The following PLCH1 variants were observed in gnomAD, a reference collection of about 807,000 sequenced individuals.
PLCH1 encodes phospholipase C eta 1.
In PLCH1, 60 loss-of-function variants were observed where a neutral mutation model predicts 126.7. The observed-to-expected ratio is 0.47, with a 90% CI of 0.38 to 0.59. The LOEUF is 0.59. Among genes scored for constraint, PLCH1 ranks in the 20% least tolerant of loss-of-function variants. The probability of loss-of-function intolerance (pLI) is 0.00; values close to 1 mark genes in which losing one functional copy is unlikely to be tolerated. For synonymous variants in PLCH1, 719 were observed against 734.9 expected, an observed-to-expected ratio of 0.98 and a Z score of 0.35; for missense variants, 1,723 against 2,040.0, an observed-to-expected ratio of 0.84 and a Z score of 2.99.
intron 2 of PLCH1, among the ~76,000 whole-genome samples, chr3:155,693,994 AT>A (rs1208903291): frequency 6.6e-6 from 1 of 152,164 alleles, no homozygotes; most frequent in East Asian, 1.9e-4. Flanking sequence ...AGCATAGATG[AT>A]TCTTCTATAT....
intron 12 of PLCH1, among the ~76,000 whole-genome samples, chr3:155,513,230 C>T (rs761558753): frequency 6.6e-6 from 1 of 152,092 alleles, no homozygotes; most frequent in Non-Finnish European, 1.5e-5. Context: ...GCCCAGTGAA[C>T]CAAAACCATA....
Position 155,485,568 on chromosome 3 carries a change from C to G in PLCH1, c.2762G>C (p.Arg921Thr), listed in dbSNP as rs752695431. The change falls in exon 22 of 23, where the codon AGG becomes ACG. Residue 921 changes from arginine to threonine, a missense_variant. This residue lies in a region of PLCH1 where 947 missense variants were observed against 977.1 expected (regional missense o/e 0.97). Coordinates refer to ENST00000460012, the MANE Select transcript of PLCH1 (RefSeq NM_014996.4). The part of the protein sequence containing the change: ...RRTASAPAKG[R>T]KKSKMGFQEM... ...TTGGAAGCCCATTTTGCTCTTTTTCCTGCCTTTGGCTGGGGCGCTAGCTGT... is the reference window on the plus strand; with the variant it reads ...TTGGAAGCCCATTTTGCTCTTTTTCGTGCCTTTGGCTGGGGCGCTAGCTGT... The G allele has an allele frequency of 5.0e-6, 8 of 1,614,060 alleles. No individual in the cohort carries two copies. In the African/African-American group the frequency reaches 8.0e-5, roughly 16 times the overall value.
intron 2 of PLCH1, among the ~76,000 whole-genome samples, chr3:155,628,089 CA>C (rs1737565616): frequency 6.6e-6 from 1 of 151,574 alleles, no homozygotes; most frequent in African/African-American, 2.4e-5. Flanking sequence ...TTTATGTGAA[CA>C]AAAAAGTTAC....
At chr3:155,700,741 G>T (rs1405596932) in intron 2 of PLCH1, among the ~76,000 whole-genome samples, 1 of 152,088 alleles carries the variant, frequency 6.6e-6, no homozygotes, top group Non-Finnish European at 1.5e-5. Context: ...TAAGAATCAA[G>T]ACTGCATCCC....
Position 155,676,085 on chromosome 3 carries a change from C to A in PLCH1, c.79+28061G>T, listed in dbSNP as rs1744057796. 3 of 1,471,868 alleles carry A rather than the reference C, an allele frequency of 2.0e-6. No individual in the cohort carries two copies. The South Asian group carries it at 4.3e-5, about 21-fold the overall frequency. 91.2% of individuals were successfully genotyped at this position (1,471,868 alleles called of 1,614,324 possible). On this transcript the variant is annotated intron_variant, in intron 2 of 22. Transcript: ENST00000460012. ...ATTATTGGCAAGAGCAGTACAATTT[C>A]TCTCTAAAGGCAAAGCCTTTTCCTG...
At chr3:155,726,689 T>C (rs553817337) in intron 1 of PLCH1, among the ~76,000 whole-genome samples, 1 of 150,848 alleles carries the variant, frequency 6.6e-6, no homozygotes, top group East Asian at 1.9e-4. Flanking sequence ...TAAAATTTTG[T>C]TCAGATTCTT....
intron 21 of PLCH1, among the ~76,000 whole-genome samples, chr3:155,470,684 G>T (rs904005172): frequency 6.6e-6 from 1 of 151,902 alleles, no homozygotes; most frequent in East Asian, 1.9e-4. Flanking sequence ...GAGAAAGGTC[G>T]GGTTACCCTC....
chr3:155,562,684 C>A (rs140325365), intron 8 of PLCH1, among the ~76,000 whole-genome samples: 1 of 152,184 alleles, frequency 6.6e-6, no homozygotes, highest in Admixed American at 6.5e-5. Context: ...ACTTCTTTAA[C>A]AATTTGCTGA....
At chr3:155,456,058 G>A (rs543016867) in intron 21 of PLCH1, among the ~76,000 whole-genome samples, 1 of 152,318 alleles carries the variant, frequency 6.6e-6, no homozygotes, top group East Asian at 1.9e-4. Flanking sequence ...GATTGTTCAA[G>A]ACAGGCTAAA....
intron 1 of PLCH1, among the ~76,000 whole-genome samples, chr3:155,714,657 G>A (rs1747379256): frequency 6.6e-6 from 1 of 152,226 alleles, no homozygotes; most frequent in African/African-American, 2.4e-5. Context: ...CTCTGAGCTA[G>A]TTAAGCAATG....
chr3:155,451,092 C>A (rs1008874765), intron 21 of PLCH1, among the ~76,000 whole-genome samples: 1 of 151,722 alleles, frequency 6.6e-6, no homozygotes, highest in Non-Finnish European at 1.5e-5. Flanking sequence ...TGGACTATAA[C>A]CCCCAAAATA....
chr3:155,500,656 G>GA, intron 14 of PLCH1, 47 bp downstream of exon 14: 1 of 1,105,608 alleles, frequency 9.0e-7, no homozygotes, highest in Non-Finnish European at 1.4e-6. Context: ...GACAAGGATG[G>GA]AGGGGCCTCA....
chr3:155,608,576 T>G (rs1288313912), intron 2 of PLCH1, among the ~76,000 whole-genome samples: 1 of 152,126 alleles, frequency 6.6e-6, no homozygotes, highest in Non-Finnish European at 1.5e-5. Context: ...GGAAGCTGTG[T>G]GAGGCCCGTC....
intron 10 of PLCH1, among the ~76,000 whole-genome samples, chr3:155,542,441 TC>T (rs1320414094): frequency 6.6e-5 from 10 of 152,136 alleles, no homozygotes; most frequent in Non-Finnish European, 1.3e-4. Context: ...CTCTGTAGGC[TC>T]CACCTCTGGG....
rs141485539 is a variant in PLCH1 at position 155,733,253 on chromosome 3, T to C, written c.-41+11587A>G. Among the ~76,000 whole-genome samples the C allele has an allele frequency of 2.0e-5, 3 of 152,232 alleles. No homozygotes were observed. In the East Asian group the frequency reaches 5.8e-4, roughly 29 times the overall value. The stretch of plus-strand genomic sequence containing the variant: ...ATATGGAACCACAAAAGATCCTGAA[T>C]AGAGAAAGCAATCTTGAACAAATAG... On this transcript the variant is annotated intron_variant, in intron 1 of 22. Transcript: ENST00000460012.
intron 2 of PLCH1, chr3:155,676,385 C>T (rs974315950): frequency 1.2e-5 from 12 of 1,027,718 alleles, no homozygotes; most frequent in Non-Finnish European, 1.4e-5. Context: ...ATGCATGCTT[C>T]GTGCAGCGCG....
chr3:155,469,216 T>C (rs899914104), intron 21 of PLCH1, among the ~76,000 whole-genome samples: 18 of 151,798 alleles, frequency 1.2e-4, no homozygotes, highest in African/African-American at 3.6e-4. Context: ...TCAGTGGGTG[T>C]GCGCACCGTG....
chr3:155,743,659 AACT>A, intron 1 of PLCH1: 1 of 388,994 alleles, frequency 2.6e-6, no homozygotes, highest in Non-Finnish European at 4.9e-6. Context: ...AACTGAAAAA[AACT>A]ACCGCCTCTT....
At chr3:155,520,901 A>G (rs185857712) in intron 11 of PLCH1, among the ~76,000 whole-genome samples, 22 of 152,340 alleles carry the variant, frequency 1.4e-4, no homozygotes, top group Admixed American at 1.3e-3. Context: ...AAAACTTAAC[A>G]GTATGGCTTA....
Sources: gnomAD v4.1 joint callset for allele counts (sites outside exome capture counted in the v4.1 genomes callset) on GRCh38, gnomAD v4.1.1 for gene constraint, gnomAD v4.1.1 regional missense constraint, MANE v1.5 for transcripts, NCBI Gene and HGNC (gene_info 2026-07-23, HGNC 2026-07-21) for gene names.